IGSF9: variants seen among roughly 807,000 people sequenced by gnomAD.
IGSF9 encodes the protein immunoglobulin superfamily member 9.
Under a neutral mutation model 121.7 loss-of-function variants are expected in IGSF9, and 87 were observed. That is an observed-to-expected ratio of 0.71 (90% confidence interval 0.60 to 0.85). The LOEUF (loss-of-function observed/expected upper bound fraction) is 0.85, where lower values mean the gene tolerates loss of function less well. IGSF9 is among the 40% of genes least tolerant of loss of function. The pLI, the probability that IGSF9 is intolerant of heterozygous loss-of-function variation, is 0.00. For missense variants in IGSF9, 1,462 were observed against 1,565.3 expected (o/e 0.93, Z 1.11); for synonymous variants, 640 against 648.4 (o/e 0.99, Z 0.20).
At chr1:159,927,985 T>C in intron 19 of IGSF9, 98 bp from the exon 20 acceptor site, 1 of 1,506,820 alleles carries the variant, frequency 6.6e-7, no homozygotes, top group South Asian at 1.3e-5. Flanking sequence ...TCACGTTAGG[T>C]CATGGGTTTC....
At chr1:159,935,657 G>A (rs555625716) in intron 6 of IGSF9, among the ~76,000 whole-genome samples, 7 of 152,230 alleles carry the variant, frequency 4.6e-5, no homozygotes, top group African/African-American at 9.7e-5. Context: ...GACTGCATGC[G>A]GGACACTGAG....
intron 14 of IGSF9, 36 bp from the exon 15 acceptor site, chr1:159,930,475 T>C (rs750072014): frequency 1.3e-6 from 2 of 1,518,434 alleles, no homozygotes; most frequent in East Asian, 4.5e-5. Flanking sequence ...GAGCAAGGAT[T>C]CCCAGCGCCC....
rs1303135678 is a variant in IGSF9 at position 159,928,617 on chromosome 1, A to C, written c.2771T>G (p.Leu924Arg). The C allele has an allele frequency of 2.7e-6, 4 of 1,494,142 alleles. No homozygotes were observed. The South Asian group carries it at 5.5e-5, about 21-fold the overall frequency. The allele number at this position is 1,494,142 out of a possible 1,614,324, so 92.6% of individuals were successfully genotyped here. Residue 924 changes from leucine to arginine, a missense_variant, in exon 19 of 21, where the codon CTC becomes CGC. This residue lies in a region of IGSF9 where 808 missense variants were observed against 815.2 expected (regional missense o/e 0.99). Transcript: ENST00000368094. ...PSPLPGPGPLLQYLSLPFFRE... is the reference protein window; with the variant it reads ...PSPLPGPGPLRQYLSLPFFRE... ...GAAGAAGGGCAGGCTCAGGTACTGG[A>C]GCAGGGGTCCAGGACCTGGCAAGGG...
chr1:159,927,403 G>T lies in IGSF9; in HGVS notation c.3482C>A (p.Ala1161Asp), dbSNP rs746698474. The change falls in exon 21 of 21, where the codon GCT becomes GAT. Residue 1161 changes from alanine (A) to aspartate (D), a missense_variant. Transcript: ENST00000368094. Reference sequence around the variant, plus strand: ...TGGCTGTCGATAGGCTGGTAGCCGAGCCCTAGTAGCATCTCGGCGGCGGCG... The same window carrying T: ...TGGCTGTCGATAGGCTGGTAGCCGATCCCTAGTAGCATCTCGGCGGCGGCG... Reference protein sequence around the residue: ...AFRRRRDATRARLPAYRQPVP... With the variant: ...AFRRRRDATRDRLPAYRQPVP... 1.2e-6 allele frequency: 2 copies of T among 1,613,980 alleles called. No homozygotes were observed.
chr1:159,938,313 G>T (rs569174627), intron 3 of IGSF9, among the ~76,000 whole-genome samples: 2 of 152,210 alleles, frequency 1.3e-5, no homozygotes, highest in South Asian at 4.1e-4. Context: ...CCCAGACCCC[G>T]CCTGCCAAAG....
chr1:159,927,097 C>CAGAGAG lies in IGSF9; in HGVS notation c.*242_*247dup, dbSNP rs1553225973. On this transcript the variant is annotated 3_prime_UTR_variant, in exon 21 of 21. Coordinates refer to ENST00000368094, the MANE Select transcript of IGSF9 (RefSeq NM_001135050.2). ...AACTTCACACACACACACACACACA[C>CAGAGAG]AGAGAGAGAGAGAGAGAGAGAGAGA... 4.3e-4 allele frequency: 160 copies of CAGAGAG among 371,912 alleles called. No individual in the cohort carries two copies. Among genetic ancestry groups the CAGAGAG allele is most frequent in the African/African-American group, 1.0e-3 (44 of 42,328 alleles). The allele number at this position is 371,912 out of a possible 1,614,324, so 23.0% of individuals were successfully genotyped here.
Position 159,943,597 on chromosome 1 carries a change from C to T in IGSF9, c.-143G>A, listed in dbSNP as rs1651483400. 3.0e-6 allele frequency: 2 copies of T among 671,374 alleles called. No individual in the cohort carries two copies. Among genetic ancestry groups the T allele is most frequent in the Non-Finnish European group, 2.3e-6 (1 of 435,130 alleles). 41.6% of individuals were successfully genotyped at this position (671,374 alleles called of 1,614,324 possible). On this transcript the variant is annotated 5_prime_UTR_variant, in exon 2 of 21. Coordinates refer to ENST00000368094, the MANE Select transcript of IGSF9 (RefSeq NM_001135050.2). ...GTGAGGGCTTGGCTCATGTAACACC[C>T]GAGGAAGCTGCTCTCCGGAGAACCA... is the stretch of plus-strand genomic sequence containing the variant.
chr1:159,933,935 G>T, intron 9 of IGSF9: 2 of 528,448 alleles, frequency 3.8e-6, no homozygotes, highest in South Asian at 4.5e-5. Flanking sequence ...TTGACTCTTT[G>T]CCATCATTTT....
In IGSF9 at chr1:159,932,573, C is replaced by T. The variant is rs1432265968; in HGVS notation, c.1184G>A (p.Cys395Tyr). 6.2e-7 allele frequency: 1 copy of T among 1,614,008 alleles called. No individual in the cohort carries two copies. The change falls in exon 10 of 21, where the codon TGC becomes TAC. Residue 395 changes from cysteine to tyrosine, a missense_variant. Physicochemically the swap from Cys to Tyr is radical, Grantham distance 194. This residue lies in a region of IGSF9 where 558 missense variants were observed against 599.4 expected (regional missense o/e 0.93). Transcript: ENST00000368094. The surrounding 1 kb of genome is among the most constrained non-coding windows in gnomAD (Gnocchi z 4.1). ...GGTACCAAGACTGTTGTAGGGGGTG[C>T]AGGAGTATTCTCCCAGGGCATCCTC... Reference protein sequence around the residue: ...GNEDALGEYSCTPYNSLGTAG... With the variant: ...GNEDALGEYSYTPYNSLGTAG...
intron 6 of IGSF9, among the ~76,000 whole-genome samples, chr1:159,935,933 A>G (rs1037977180): frequency 2.0e-5 from 3 of 152,166 alleles, no homozygotes; most frequent in African/African-American, 7.2e-5. Context: ...TCACTTCCCC[A>G]CAAAGATAAT....
rs1650762615 is a variant in IGSF9 at position 159,927,119 on chromosome 1, G to C, written c.*226C>G. On this transcript the variant is annotated 3_prime_UTR_variant, in exon 21 of 21. Transcript: ENST00000368094. ...ACACAGAGAGAGAGAGAGAGAGAGA[G>C]AGAGAGAGAGAGGCAGACCTAAGAT... 1.7e-6 allele frequency: 1 copy of C among 595,394 alleles called. No homozygotes were observed. The highest frequency in any genetic ancestry group is 1.9e-5 in the African/African-American group (1 of 53,614). The allele number at this position is 595,394 out of a possible 1,614,324, so 36.9% of individuals were successfully genotyped here. A position where few individuals can be genotyped will look rare whatever the true frequency, so the allele number is the denominator to read the frequency against.
intron 3 of IGSF9, among the ~76,000 whole-genome samples, chr1:159,938,395 G>C (rs1651270681): frequency 6.6e-6 from 1 of 152,174 alleles, no homozygotes; most frequent in South Asian, 2.1e-4. Flanking sequence ...CCAGCAAGCA[G>C]CAAAGTCAGC....
intron 1 of IGSF9, among the ~76,000 whole-genome samples, chr1:159,944,706 C>A (rs1332030452): frequency 6.6e-6 from 1 of 152,160 alleles, no homozygotes; most frequent in Non-Finnish European, 1.5e-5. Context: ...CTGGCACTGC[C>A]AAGTGGACTC....
intron 4 of IGSF9, 47 bp downstream of exon 4, chr1:159,937,639 C>T (rs1651238687): frequency 1.3e-6 from 2 of 1,587,104 alleles, no homozygotes; most frequent in African/African-American, 1.3e-5. Context: ...AGATCCCCAT[C>T]CTCCTCCTCC....
Position 159,931,092 on chromosome 1 carries a change from A to G in IGSF9, c.1637+46T>C, listed in dbSNP as rs930465910. 1 of 1,613,528 alleles carries G rather than the reference A, an allele frequency of 6.2e-7. No homozygotes were observed. The highest frequency in any genetic ancestry group is 1.3e-5 in the African/African-American group (1 of 75,034). ...CAGATAGGTTCAAGGAGGAGAGGAA[A>G]GGAGGCAAGATTGGCACAGAGAAAT... On this transcript the variant is annotated intron_variant, in intron 13 of 20. Transcript: ENST00000368094. The surrounding 1 kb of genome is among the most constrained non-coding windows in gnomAD (Gnocchi z 4.8).
chr1:159,927,278 G>C lies in IGSF9; in HGVS notation c.*67C>G, dbSNP rs141388260. 9,824 of 1,589,122 alleles carry C rather than the reference G, an allele frequency of 6.2e-3. 49 individuals are homozygous for C. Among genetic ancestry groups the C allele is most frequent in the Non-Finnish European group, 7.7e-3 (8,909 of 1,160,212 alleles). On this transcript the variant is annotated 3_prime_UTR_variant, in exon 21 of 21. Coordinates refer to ENST00000368094, the MANE Select transcript of IGSF9 (RefSeq NM_001135050.2). ...GGGGCAGTGCCCTCGTTTGAAACTAGGTCTGTCTGGTTGGGGGCCTCCTTT... is the reference window on the plus strand; with the variant it reads ...GGGGCAGTGCCCTCGTTTGAAACTACGTCTGTCTGGTTGGGGGCCTCCTTT...
At chr1:159,927,910 A>C in intron 19 of IGSF9, 23 bp from the exon 20 acceptor site, 3 of 1,603,794 alleles carry the variant, frequency 1.9e-6, no homozygotes, top group Non-Finnish European at 2.6e-6. Context: ...AAAAAAAGAC[A>C]AACATATGGT....
In IGSF9 at chr1:159,936,520, G is replaced by C. The variant is rs1307969061; in HGVS notation, c.556-4C>G. 2 of 1,613,422 alleles carry C rather than the reference G, an allele frequency of 1.2e-6. No homozygotes were observed. Among genetic ancestry groups the C allele is most frequent in the Non-Finnish European group, 8.5e-7 (1 of 1,179,592 alleles). Reference sequence around the variant, plus strand: ...TCCGCAGCGTCCCGTTCTGCACCTAGGGAAGGAGTGGGTGAGGAAGAGTCC... The same window carrying C: ...TCCGCAGCGTCCCGTTCTGCACCTACGGAAGGAGTGGGTGAGGAAGAGTCC... On this transcript the variant is annotated splice_region_variant and splice_polypyrimidine_tract_variant and intron_variant, in intron 5 of 20. Coordinates refer to ENST00000368094, the MANE Select transcript of IGSF9 (RefSeq NM_001135050.2).
chr1:159,936,285 G>T (rs1267673544), intron 6 of IGSF9, 114 bp downstream of exon 6: 2 of 913,662 alleles, frequency 2.2e-6, no homozygotes, highest in Admixed American at 1.8e-5. Flanking sequence ...GCTTCCACGG[G>T]CCCTGCCCTC....
Sources: allele counts gnomAD v4.1 joint callset (sites outside exome capture counted in the v4.1 genomes callset), GRCh38; gene constraint gnomAD v4.1.1; regional missense constraint gnomAD v4.1.1; non-coding constraint Gnocchi (gnomAD v3.1); transcripts MANE v1.5; gene names NCBI Gene and HGNC (gene_info 2026-07-23, HGNC 2026-07-21).